The following CDC42BPA variants were observed in gnomAD, a reference collection of about 807,000 sequenced individuals.
The protein encoded by CDC42BPA is CDC42 binding protein kinase alpha.
CDC42BPA carries 80 observed loss-of-function variants against 223.5 expected under a neutral mutation model. The ratio of observed to expected loss-of-function variants is 0.36; its 90% CI spans 0.30 to 0.43. The LOEUF is 0.43. CDC42BPA is among the 20% of genes least tolerant of loss of function. The pLI is 1.00. For synonymous variants in CDC42BPA, 694 were observed against 718.6 expected, an observed-to-expected ratio of 0.97 and a Z score of 0.55; for missense variants, 1,743 against 2,099.9, an observed-to-expected ratio of 0.83 and a Z score of 3.32.
intron 2 of CDC42BPA, among the ~76,000 whole-genome samples, chr1:227,239,027 C>A (rs989387741): frequency 2.0e-5 from 3 of 151,756 alleles, no homozygotes; most frequent in Non-Finnish European, 3.0e-5. Flanking sequence ...AAAAAACATT[C>A]TTTTCAAGTG....
At chr1:227,112,240 A>G (rs1370266013) in intron 14 of CDC42BPA, 72 bp downstream of exon 14, 10 of 805,226 alleles carry the variant, frequency 1.2e-5, no homozygotes, top group Non-Finnish European at 2.0e-5. Flanking sequence ...TACAGTATAC[A>G]AGCTAACACT....
intron 1 of CDC42BPA, among the ~76,000 whole-genome samples, chr1:227,297,856 A>T (rs1690909278): frequency 6.6e-6 from 1 of 151,394 alleles, no homozygotes; most frequent in Admixed American, 6.6e-5. Context: ...TTTTTGAAAT[A>T]GTGGTGATGT....
At chr1:227,136,659 A>C (rs574034077) in intron 10 of CDC42BPA, among the ~76,000 whole-genome samples, 3 of 152,204 alleles carry the variant, frequency 2.0e-5, no homozygotes, top group Non-Finnish European at 4.4e-5. Flanking sequence ...GGGAAAACAT[A>C]CACATTACAT....
chr1:227,050,880 G>T (rs2148865256), intron 22 of CDC42BPA, among the ~76,000 whole-genome samples: 1 of 152,164 alleles, frequency 6.6e-6, no homozygotes. Flanking sequence ...AAATATTTTT[G>T]AATAAAAACC....
chr1:227,150,232 A>AG (rs965854068), intron 6 of CDC42BPA, among the ~76,000 whole-genome samples: 14 of 151,392 alleles, frequency 9.2e-5, no homozygotes, highest in African/African-American at 3.2e-4. Context: ...CTCAAAAAAA[A>AG]AAAAACAAAA....
intron 10 of CDC42BPA, among the ~76,000 whole-genome samples, chr1:227,132,022 C>T (rs1358940412): frequency 1.3e-5 from 2 of 150,864 alleles, no homozygotes; most frequent in Non-Finnish European, 3.0e-5. Context: ...TCTGGAAACT[C>T]AGAATGTTCA....
chr1:227,007,000 C>G (rs1427052828), intron 34 of CDC42BPA, among the ~76,000 whole-genome samples: 1 of 150,946 alleles, frequency 6.6e-6, no homozygotes, highest in Non-Finnish European at 1.5e-5. Context: ...AACCCCCCAG[C>G]AATTCTGCTT....
At chr1:227,240,790 G>GA (rs932613425) in intron 2 of CDC42BPA, among the ~76,000 whole-genome samples, 42 of 144,996 alleles carry the variant, frequency 2.9e-4, no homozygotes, top group Admixed American at 9.6e-4. Flanking sequence ...AAGGCTTTTA[G>GA]AAAAAAAAAA....
chr1:227,118,233 T>C (rs1275376973), intron 12 of CDC42BPA, among the ~76,000 whole-genome samples: 1 of 152,154 alleles, frequency 6.6e-6, no homozygotes, highest in Non-Finnish European at 1.5e-5. Context: ...AATCAAAAAA[T>C]GGGCAAAGGA....
chr1:227,187,690 A>AAC (rs1669058839), intron 5 of CDC42BPA, among the ~76,000 whole-genome samples: 1 of 83,942 alleles, frequency 1.2e-5, no homozygotes, highest in Non-Finnish European at 2.1e-5. Flanking sequence ...CCCCCCCCCC[A>AAC]AAAAAAAAAA....
rs145480582 is a variant in CDC42BPA at position 227,000,356 on chromosome 1, AT to A, written c.4975+4637del. Among the ~76,000 whole-genome samples the A allele has an allele frequency of 2.6e-3, 390 of 152,242 alleles. 9 individuals carry two copies. The East Asian group carries it at 0.048, about 19-fold the overall frequency. On this transcript the variant is annotated intron_variant, in intron 35 of 36. Transcript: ENST00000366766. ...ACGAGCTAATTGAACGCCATAAAAT[AT>A]TTTTTGAGTTTTCTTCCAATTCCTT... is the stretch of plus-strand genomic sequence containing the variant.
chr1:227,017,858 T>G (rs1184092243), intron 32 of CDC42BPA, among the ~76,000 whole-genome samples: 1 of 151,424 alleles, frequency 6.6e-6, no homozygotes, highest in African/African-American at 2.4e-5. Flanking sequence ...AAGAGCAAAG[T>G]TTAGAAATTT....
intron 19 of CDC42BPA, among the ~76,000 whole-genome samples, chr1:227,072,726 A>G (rs1678655893): frequency 6.6e-6 from 1 of 152,038 alleles, no homozygotes. Flanking sequence ...GCAACCATGA[A>G]AGTGGAGCAC....
chr1:227,089,610 C>CAA (rs1682666915), intron 16 of CDC42BPA, among the ~76,000 whole-genome samples: 1 of 143,720 alleles, frequency 7.0e-6, no homozygotes, highest in Non-Finnish European at 1.5e-5. Context: ...TTCAATTTAG[C>CAA]AAGAATGGGT....
chr1:227,169,179 T>A (rs532554221), intron 5 of CDC42BPA, among the ~76,000 whole-genome samples: 1 of 152,294 alleles, frequency 6.6e-6, no homozygotes, highest in East Asian at 1.9e-4. Context: ...TGAACACATT[T>A]TATTTACCTT....
At chr1:227,216,122 A>C (rs2670455) in intron 2 of CDC42BPA, among the ~76,000 whole-genome samples, 59,612 of 142,934 alleles carry the variant, frequency 0.42, 11,883 homozygotes, top group East Asian at 0.5. Context: ...TTCTCTCTCT[A>C]TATATATATA....
At position 227,139,541 on chromosome 1, in the gene CDC42BPA, T is replaced by C. The variant is rs1471669997; in HGVS notation, c.1390+35A>G. 3 of 1,381,368 alleles carry C rather than the reference T, an allele frequency of 2.2e-6. No individual in the cohort carries two copies. The South Asian group carries it at 4.3e-5, about 20-fold the overall frequency. The allele number at this position is 1,381,368 out of a possible 1,614,324, so 85.6% of individuals were successfully genotyped here. Reference sequence around the variant, plus strand: ...ACAGCTCATAACACTGTGAGTACAATTCAAAAAGTGAAAATATATTTAAAA... The same window carrying C: ...ACAGCTCATAACACTGTGAGTACAACTCAAAAAGTGAAAATATATTTAAAA... On this transcript the variant is annotated intron_variant, in intron 10 of 36. Coordinates refer to ENST00000366766, the MANE Select transcript of CDC42BPA (RefSeq NM_001394014.1).
At chr1:227,069,699 T>C (rs555938553) in intron 21 of CDC42BPA, 78 bp downstream of exon 21, 2 of 1,028,082 alleles carry the variant, frequency 1.9e-6, no homozygotes, top group Non-Finnish European at 3.0e-6. Context: ...ATAAAATGGT[T>C]TTATTATAAG....
At position 227,063,616 on chromosome 1, in the gene CDC42BPA, T is replaced by C. The variant is rs538670018; in HGVS notation, c.2904+6161A>G. ...AAAATGCATGTAACTTTCTGAAATA[T>C]GCAATCTTCAGGTAGGGTTGTGGTG... On this transcript the variant is annotated intron_variant, in intron 21 of 36. Coordinates refer to ENST00000366766, the MANE Select transcript of CDC42BPA (RefSeq NM_001394014.1). 1.6e-4 allele frequency among the ~76,000 whole-genome samples: 25 copies of C among 152,266 alleles called. No individual in the cohort carries two copies. In the South Asian group the frequency reaches 4.4e-3, roughly 27 times the overall value.
Sources: allele counts gnomAD v4.1 joint callset (sites outside exome capture counted in the v4.1 genomes callset), GRCh38; gene constraint gnomAD v4.1.1; transcripts MANE v1.5; gene names NCBI Gene and HGNC (gene_info 2026-07-23, HGNC 2026-07-21).